Variants in WDR25 observed in about 807,000 individuals in gnomAD.
WDR25 encodes WD repeat-containing protein 25.
A neutral mutation model predicts 47.7 loss-of-function variants in WDR25; 35 were observed. The observed-to-expected ratio is 0.73, with a 90% CI of 0.56 to 0.97. WDR25 has a LOEUF of 0.97. WDR25 is among the 50% of genes least tolerant of loss of function. WDR25 has a pLI of 0.00. For synonymous variants in WDR25, 248 were observed against 278.9 expected (o/e 0.89, Z 1.10); for missense variants, 634 against 704.7 (o/e 0.90, Z 1.14).
At chr14:100,397,431 A>G (rs1170815451) in intron 2 of WDR25, among the ~76,000 whole-genome samples, 1 of 152,240 alleles carries the variant, frequency 6.6e-6, no homozygotes, top group Non-Finnish European at 1.5e-5. Context: ...CATTCTTGAC[A>G]TAGTATTTCA....
rs953689358 is a variant in WDR25 at position 100,523,437 on chromosome 14, C to T, written c.1102-2433C>T. ...GCATGGGGTGAGGGATAGCTGGGTGCATCCGCCAGTCCTTCTTCTTTCTGA... is the reference window on the plus strand; with the variant it reads ...GCATGGGGTGAGGGATAGCTGGGTGTATCCGCCAGTCCTTCTTCTTTCTGA... On this transcript the variant is annotated intron_variant, in intron 4 of 6. Transcript: ENST00000402312. The surrounding 1 kb of genome is among the most constrained non-coding windows in gnomAD (Gnocchi z 4.7). Among the ~76,000 whole-genome samples the T allele has an allele frequency of 6.6e-6, 1 of 152,198 alleles. No individual in the cohort carries two copies. Among genetic ancestry groups the T allele is most frequent in the African/African-American group, 2.4e-5 (1 of 41,446 alleles).
chr14:100,381,441 GT>G lies in WDR25; in HGVS notation c.518del (p.Val173GlyfsTer9). 1 of 1,614,186 alleles carries G rather than the reference GT, an allele frequency of 6.2e-7. No homozygotes were observed. The highest frequency in any genetic ancestry group is 8.5e-7 in the Non-Finnish European group (1 of 1,180,042). On this transcript the variant is annotated frameshift_variant, in exon 2 of 7. Transcript: ENST00000402312. LOFTEE classifies it high-confidence loss of function. ...SFQKKKCEDC[V>X]VPYTPRRLRQ... Reference sequence around the variant, plus strand: ...TCAGAAGAAAAAATGTGAGGACTGTGTGGTACCCTATACTCCCAGAAGACTA... The same window carrying G: ...TCAGAAGAAAAAATGTGAGGACTGTGGGTACCCTATACTCCCAGAAGACTA...
chr14:100,382,299 G>T, intron 2 of WDR25: 2 of 641,144 alleles, frequency 3.1e-6, no homozygotes, highest in South Asian at 1.8e-5. Flanking sequence ...TACCAGCCCA[G>T]CCCGGCAGGG....
chr14:100,395,972 G>GTTTTTTTTTT (rs575737706), intron 2 of WDR25, among the ~76,000 whole-genome samples: 1 of 117,254 alleles, frequency 8.5e-6, no homozygotes, highest in South Asian at 2.9e-4. Flanking sequence ...TCTGTGAAAT[G>GTTTTTTTTTT]TTTTTTTTTT....
chr14:100,452,266 T>C (rs1436863898), intron 2 of WDR25, among the ~76,000 whole-genome samples: 1 of 152,228 alleles, frequency 6.6e-6, no homozygotes, highest in African/African-American at 2.4e-5. Context: ...TTCTAGTATA[T>C]GCTAGACTCT....
rs373806509 is a variant in WDR25, at chr14:100,529,885, C to T, written c.1479C>T (p.Ala493=). The change falls in exon 7 of 7, where the codon GCC becomes GCT. Residue 493 remains alanine, a synonymous_variant. Coordinates refer to ENST00000402312, the MANE Select transcript of WDR25 (RefSeq NM_001161476.3). The surrounding 1 kb of genome is among the most constrained non-coding windows in gnomAD (Gnocchi z 5.1). ...GTGACTTGCTGGTGACGGGCAGCGC[C>T]GATGGCCGGGTCCTGATGTACAGCT... ...PGGDLLVTGS[A]DGRVLMYSFR... 2.2e-5 allele frequency: 35 copies of T among 1,613,154 alleles called. No homozygotes were observed. The highest frequency in any genetic ancestry group is 1.6e-4 in the Middle Eastern group (1 of 6,066).
intron 2 of WDR25, among the ~76,000 whole-genome samples, chr14:100,397,792 G>T (rs752547182): frequency 6.6e-6 from 1 of 152,236 alleles, no homozygotes; most frequent in Non-Finnish European, 1.5e-5. Flanking sequence ...AGCTGGACGA[G>T]GCTGGGCATT....
At chr14:100,433,613 C>T (rs566912350) in intron 2 of WDR25, among the ~76,000 whole-genome samples, 7 of 152,336 alleles carry the variant, frequency 4.6e-5, no homozygotes, top group Admixed American at 2.6e-4. Flanking sequence ...CCTATGATCA[C>T]GCTTGTCACG....
At chr14:100,477,830 G>A (rs1160408146) in intron 3 of WDR25, among the ~76,000 whole-genome samples, 3 of 152,178 alleles carry the variant, frequency 2.0e-5, no homozygotes, top group African/African-American at 7.2e-5. Context: ...CGTGGCTCAC[G>A]CCTGAAATCC....
intron 4 of WDR25, among the ~76,000 whole-genome samples, chr14:100,505,595 C>T (rs1039210106): frequency 6.6e-6 from 1 of 152,168 alleles, no homozygotes; most frequent in Non-Finnish European, 1.5e-5. Context: ...TTCAATTTTA[C>T]AATCAACTTA....
intron 2 of WDR25, among the ~76,000 whole-genome samples, chr14:100,437,254 C>G (rs1183716188): frequency 6.6e-6 from 1 of 152,170 alleles, no homozygotes; most frequent in Non-Finnish European, 1.5e-5. Flanking sequence ...AAAGCAGGTC[C>G]CTTCTGCCCA....
Position 100,381,623 on chromosome 14 carries a change from A to G in WDR25, c.699A>G (p.Thr233=). 1 of 1,608,030 alleles carries G rather than the reference A, an allele frequency of 6.2e-7. No homozygotes were observed. The highest frequency in any genetic ancestry group is 8.5e-7 in the Non-Finnish European group (1 of 1,175,172). ...TGAATAGCCATTATAAAGAAACCAC[A>G]GTTCCCCGGAAAGTGCTTTTCCACC... is the stretch of plus-strand genomic sequence containing the variant. ...PYLNSHYKET[T]VPRKVLFHLR... The change falls in exon 2 of 7, where the codon ACA becomes ACG. Residue 233 remains threonine, a synonymous_variant. Coordinates refer to ENST00000402312, the MANE Select transcript of WDR25 (RefSeq NM_001161476.3).
intron 4 of WDR25, among the ~76,000 whole-genome samples, chr14:100,511,586 CCCTT>C (rs1187631357): frequency 2.6e-5 from 4 of 151,862 alleles, no homozygotes; most frequent in African/African-American, 9.7e-5. Context: ...TTTTCTCCTT[CCCTT>C]CCTTCCTTCC....
At chr14:100,442,974 A>G (rs1898714164) in intron 2 of WDR25, among the ~76,000 whole-genome samples, 2 of 152,236 alleles carry the variant, frequency 1.3e-5, no homozygotes, top group Admixed American at 1.3e-4. Context: ...TTGAAGTCAC[A>G]GGCCCGCTGA....
intron 3 of WDR25, among the ~76,000 whole-genome samples, chr14:100,479,124 G>C (rs889478348): frequency 6.6e-6 from 1 of 152,066 alleles, no homozygotes; most frequent in Non-Finnish European, 1.5e-5. Context: ...TCTGTCTAGG[G>C]GTTGTGATGG....
chr14:100,487,543 G>C (rs1900425281), intron 4 of WDR25: 1 of 152,242 alleles, frequency 6.6e-6, no homozygotes, highest in South Asian at 2.1e-4. Context: ...TTGGTAAAGA[G>C]AGATGTGATT....
In WDR25 at chr14:100,530,026, G is replaced by A. The variant is rs2030413938; in HGVS notation, c.1620G>A (p.Met540Ile). ...VLATCSWGGD[M>I]KIWH ...CCACCTGCTCCTGGGGAGGGGACAT[G>A]AAGATCTGGCACTGAGCTTTTTGTC... Residue 540 changes from methionine to isoleucine, a missense_variant, in exon 7 of 7, where the codon ATG (methionine) becomes ATA (isoleucine). By Grantham distance (10) the Met-to-Ile change is conservative. Coordinates refer to ENST00000402312, the MANE Select transcript of WDR25 (RefSeq NM_001161476.3). The A allele has an allele frequency of 6.2e-7, 1 of 1,612,262 alleles. No homozygotes were observed. Among genetic ancestry groups the A allele is most frequent in the Non-Finnish European group, 8.5e-7 (1 of 1,179,404 alleles).
intron 3 of WDR25, among the ~76,000 whole-genome samples, chr14:100,475,819 G>A (rs1035685535): frequency 6.6e-6 from 1 of 151,874 alleles, no homozygotes; most frequent in Non-Finnish European, 1.5e-5. Context: ...TGATAGATAT[G>A]TTAATTATCT....
Position 100,499,662 on chromosome 14 carries a change from A to G in WDR25, c.1101+15538A>G, listed in dbSNP as rs79972580. Among the ~76,000 whole-genome samples the G allele has an allele frequency of 0.019, 2,962 of 152,110 alleles. 100 individuals are homozygous for G. Among genetic ancestry groups the G allele is most frequent in the African/African-American group, 0.067 (2,782 of 41,454 alleles). On this transcript the variant is annotated intron_variant, in intron 4 of 6. Transcript: ENST00000402312. The surrounding 1 kb of genome is among the most constrained non-coding windows in gnomAD (Gnocchi z 4.4). Reference sequence around the variant, plus strand: ...GTGGCTGAGGGAGCAGGGTGGGTATAGGGAAGAAAGCCACCTCCTTCTTGA... The same window carrying G: ...GTGGCTGAGGGAGCAGGGTGGGTATGGGGAAGAAAGCCACCTCCTTCTTGA...
Sources: gnomAD v4.1 joint callset for allele counts (sites outside exome capture counted in the v4.1 genomes callset) on GRCh38, gnomAD v4.1.1 for gene constraint, Gnocchi (gnomAD v3.1) non-coding constraint, MANE v1.5 for transcripts, NCBI Gene and HGNC (gene_info 2026-07-23, HGNC 2026-07-21) for gene names.